The following LRRC4C variants were observed in gnomAD, a reference collection of about 807,000 sequenced individuals.
The protein encoded by LRRC4C is leucine rich repeat containing 4C.
Under a neutral mutation model 33.6 loss-of-function variants are expected in LRRC4C, and 5 were observed. The ratio of observed to expected loss-of-function variants is 0.15; its 90% CI spans 0.08 to 0.31. LRRC4C has a LOEUF of 0.31. Ranked by LOEUF, LRRC4C falls within the 10% of genes least tolerant of loss-of-function variation. The probability of loss-of-function intolerance (pLI) is 1.00; values close to 1 mark genes in which losing one functional copy is unlikely to be tolerated. For synonymous variants in LRRC4C, 329 were observed against 302.0 expected (o/e 1.09, Z -0.93); for missense variants, 560 against 796.7 (o/e 0.70, Z 3.58).
chr11:40,317,091 G>C (rs1300620460), intron 4 of LRRC4C, among the ~76,000 whole-genome samples: 1 of 151,618 alleles, frequency 6.6e-6, no homozygotes, highest in East Asian at 1.9e-4. Flanking sequence ...TTCAACTAAT[G>C]TTTACTAAAA....
At chr11:40,955,990 G>A (rs1004223220) in intron 1 of LRRC4C, among the ~76,000 whole-genome samples, 2 of 151,726 alleles carry the variant, frequency 1.3e-5, no homozygotes, top group African/African-American at 2.4e-5. Context: ...TAGAATTCAA[G>A]GTCATATTGA....
chr11:40,944,250 C>T (rs769669122), intron 1 of LRRC4C, among the ~76,000 whole-genome samples: 24 of 152,096 alleles, frequency 1.6e-4, no homozygotes, highest in Non-Finnish European at 2.6e-4. Flanking sequence ...AAAACATTCA[C>T]AGATGCCTTA....
At chr11:40,510,109 C>T (rs1456651712) in intron 3 of LRRC4C, among the ~76,000 whole-genome samples, 1 of 151,676 alleles carries the variant, frequency 6.6e-6, no homozygotes, top group South Asian at 2.1e-4. Flanking sequence ...TAATTACTTA[C>T]ATGACAAAAG....
At chr11:40,779,464 AAAC>A (rs1950134801) in intron 2 of LRRC4C, among the ~76,000 whole-genome samples, 1 of 152,202 alleles carries the variant, frequency 6.6e-6, no homozygotes. Context: ...AAATCAGAGA[AAAC>A]AAAAAATTAA....
intron 2 of LRRC4C, among the ~76,000 whole-genome samples, chr11:40,885,733 A>C (rs914828928): frequency 6.6e-6 from 1 of 152,158 alleles, no homozygotes; most frequent in Non-Finnish European, 1.5e-5. Flanking sequence ...TCATTCTAAA[A>C]GAATGCATCT....
chr11:40,908,918 G>C (rs564454643), intron 2 of LRRC4C, among the ~76,000 whole-genome samples: 4 of 152,066 alleles, frequency 2.6e-5, no homozygotes, highest in African/African-American at 9.7e-5. Context: ...TGGGTATTAC[G>C]GGTGCATTAC....
chr11:40,377,883 C>T (rs1196017969), intron 3 of LRRC4C, among the ~76,000 whole-genome samples: 2 of 151,878 alleles, frequency 1.3e-5, no homozygotes, highest in African/African-American at 2.4e-5. Flanking sequence ...GTGGTAGAGG[C>T]CAGTGACAAT....
At chr11:41,085,430 A>C (rs1939896784) in intron 1 of LRRC4C, among the ~76,000 whole-genome samples, 1 of 152,176 alleles carries the variant, frequency 6.6e-6, no homozygotes, top group South Asian at 2.1e-4. Flanking sequence ...TAATAGTGAG[A>C]GTTAATATTG....
chr11:40,937,311 C>T (rs1957945991), intron 1 of LRRC4C, among the ~76,000 whole-genome samples: 1 of 123,936 alleles, frequency 8.1e-6, no homozygotes. Context: ...CTGCCGACTA[C>T]TAGAGTGGGG....
chr11:40,697,567 T>C (rs1021907578), intron 2 of LRRC4C, among the ~76,000 whole-genome samples: 1 of 152,222 alleles, frequency 6.6e-6, no homozygotes, highest in African/African-American at 2.4e-5. Flanking sequence ...CATATGGATC[T>C]GATTCCCTGA....
At chr11:40,282,237 C>T (rs1282484348) in intron 4 of LRRC4C, among the ~76,000 whole-genome samples, 6 of 152,110 alleles carry the variant, frequency 3.9e-5, no homozygotes, top group South Asian at 2.1e-4. Context: ...CCCAGTTACT[C>T]GGGAGGCTGA....
intron 4 of LRRC4C, among the ~76,000 whole-genome samples, chr11:40,302,908 G>A (rs1944845758): frequency 1.3e-5 from 2 of 152,164 alleles, no homozygotes; most frequent in Non-Finnish European, 2.9e-5. Flanking sequence ...CATTGTTTGT[G>A]CTTTAGGAGA....
chr11:41,446,839 G>A (rs973284386), intron 1 of LRRC4C, among the ~76,000 whole-genome samples: 2 of 152,106 alleles, frequency 1.3e-5, no homozygotes, highest in Admixed American at 6.5e-5. Context: ...CCTTACCAAG[G>A]AGACTGTGGT....
rs570245220 is a variant in LRRC4C at position 40,236,095 on chromosome 11, G to GA, written c.-96+5423dup. ...GCATGGAAAATCCTCTTCAGCCTAT[G>GA]AAAAAAAAAAACAGCTACCACAAGG... On this transcript the variant is annotated intron_variant, in intron 5 of 6. Coordinates refer to ENST00000528697, the MANE Select transcript of LRRC4C (RefSeq NM_001258419.2). Among the ~76,000 whole-genome samples the GA allele has an allele frequency of 3.7e-3, 524 of 143,010 alleles. 6 individuals are homozygous for GA. The highest frequency in any genetic ancestry group is 0.028 in the South Asian group (128 of 4,504). The allele number at this position is 143,010 out of a possible 152,430, so 93.8% of individuals were successfully genotyped here.
At chr11:41,294,805 G>A (rs7943371) in intron 1 of LRRC4C, among the ~76,000 whole-genome samples, 27,717 of 152,104 alleles carry the variant, frequency 0.18, 3,104 homozygotes, top group East Asian at 0.43. Flanking sequence ...GGGTAATTGA[G>A]TCATAATGCA....
chr11:40,179,225 C>A (rs7944198), intron 5 of LRRC4C, among the ~76,000 whole-genome samples: 139,519 of 151,852 alleles, frequency 0.92, 64,284 homozygotes, highest in Middle Eastern at 0.96. Flanking sequence ...GACTGATCTC[C>A]AACTCCTGAG....
chr11:40,167,512 C>A (rs977613632), intron 5 of LRRC4C, among the ~76,000 whole-genome samples: 4 of 152,080 alleles, frequency 2.6e-5, no homozygotes, highest in African/African-American at 9.7e-5. Flanking sequence ...TAAAAAGCCA[C>A]CAGCAGAAGG....
intron 1 of LRRC4C, among the ~76,000 whole-genome samples, chr11:41,456,996 T>C (rs1478447481): frequency 2.0e-5 from 3 of 152,216 alleles, no homozygotes; most frequent in Non-Finnish European, 4.4e-5. Flanking sequence ...CCACTTCTAT[T>C]ACTAGCCTAA....
intron 4 of LRRC4C, among the ~76,000 whole-genome samples, chr11:40,268,118 G>A (rs190023660): frequency 1.1e-3 from 169 of 152,268 alleles, no homozygotes; most frequent in African/African-American, 3.8e-3. Flanking sequence ...ATATAGTACA[G>A]GGAAGAGCAA....
Sources: allele counts gnomAD v4.1 joint callset (sites outside exome capture counted in the v4.1 genomes callset), GRCh38; gene constraint gnomAD v4.1.1; transcripts MANE v1.5; gene names NCBI Gene and HGNC (gene_info 2026-07-23, HGNC 2026-07-21).